MICAL2: variants seen among roughly 807,000 people sequenced by gnomAD.
The protein encoded by MICAL2 is [F-actin]-monooxygenase MICAL2.
A neutral mutation model predicts 127.3 loss-of-function variants in MICAL2; 77 were observed. That is an observed-to-expected ratio of 0.60 (90% CI 0.50 to 0.73). The LOEUF (loss-of-function observed/expected upper bound fraction) is 0.73. Ranked by LOEUF, MICAL2 falls within the 30% of genes least tolerant of loss-of-function variation. The pLI, the probability that MICAL2 is intolerant of heterozygous loss-of-function variation, is 0.00. For synonymous variants in MICAL2, 570 were observed against 551.1 expected (o/e 1.03, Z -0.48); for missense variants, 1,351 against 1,434.4 (o/e 0.94, Z 0.94).
chr11:12,152,986 T>C (rs1167275717), intron 2 of MICAL2, among the ~76,000 whole-genome samples: 2 of 152,082 alleles, frequency 1.3e-5, no homozygotes, highest in African/African-American at 4.8e-5. Context: ...TTATTGTTTT[T>C]GTGGTAAAAT....
At chr11:12,287,630 C>T (rs993972780), downstream of MICAL2, among the ~76,000 whole-genome samples, 2 of 152,124 alleles carry the variant, frequency 1.3e-5, no homozygotes, top group Non-Finnish European at 2.9e-5. Context: ...CACACACACT[C>T]ACACCCCTAC....
At chr11:12,181,582 A>G (rs1857487437) in intron 3 of MICAL2, among the ~76,000 whole-genome samples, 1 of 152,246 alleles carries the variant, frequency 6.6e-6, no homozygotes, top group Non-Finnish European at 1.5e-5. Context: ...TGTAAACTTG[A>G]ACATGAAGTA....
chr11:12,184,410 C>T (rs1459073633), intron 3 of MICAL2, among the ~76,000 whole-genome samples: 3 of 152,200 alleles, frequency 2.0e-5, no homozygotes, highest in African/African-American at 7.2e-5. Flanking sequence ...ACCCTGACCA[C>T]CAGCATACCT....
At chr11:12,356,107 C>A (rs931345760) in intron 34 of MICAL2, among the ~76,000 whole-genome samples, 2 of 151,992 alleles carry the variant, frequency 1.3e-5, no homozygotes, top group African/African-American at 4.8e-5. Flanking sequence ...AAATAAATAC[C>A]ACCAAAGACT....
intron 2 of MICAL2, among the ~76,000 whole-genome samples, chr11:12,156,949 C>T (rs959061087): frequency 1.3e-5 from 2 of 152,200 alleles, no homozygotes; most frequent in Non-Finnish European, 2.9e-5. Context: ...TCCTTAGTGA[C>T]GTAGAGCTGG....
intron 12 of MICAL2, among the ~76,000 whole-genome samples, chr11:12,223,882 G>A (rs1055587113): frequency 6.6e-6 from 1 of 152,152 alleles, no homozygotes; most frequent in Non-Finnish European, 1.5e-5. Context: ...CCTGAGCCTA[G>A]CAGTGCTCTG....
intron 5 of MICAL2, among the ~76,000 whole-genome samples, chr11:12,209,281 G>A (rs1438339465): frequency 6.6e-6 from 1 of 152,214 alleles, no homozygotes; most frequent in African/African-American, 2.4e-5. Flanking sequence ...AGTTGGTGTT[G>A]CTGGTTTACT....
At chr11:12,322,298 C>T (rs1256687693) in intron 30 of MICAL2, among the ~76,000 whole-genome samples, 1 of 152,138 alleles carries the variant, frequency 6.6e-6, no homozygotes, top group East Asian at 1.9e-4. Flanking sequence ...TTGATCCCCA[C>T]CACCTCTTCC....
intron 3 of MICAL2, 35 bp from the exon 4 acceptor site, chr11:12,204,215 T>C: frequency 6.3e-7 from 1 of 1,599,300 alleles, no homozygotes. Context: ...ATGCTAGAGG[T>C]TACCAAGAGT....
At chr11:12,156,727 C>T (rs1854226013) in intron 2 of MICAL2, among the ~76,000 whole-genome samples, 1 of 152,202 alleles carries the variant, frequency 6.6e-6, no homozygotes, top group East Asian at 1.9e-4. Context: ...ATGGTGGGCT[C>T]TGTGGGGATG....
intron 15 of MICAL2, among the ~76,000 whole-genome samples, chr11:12,230,541 C>T (rs2134369572): frequency 6.6e-6 from 1 of 152,272 alleles, no homozygotes; most frequent in East Asian, 1.9e-4. Context: ...CCCTGCCCCT[C>T]CCTAACTTCC....
At chr11:12,242,648 C>T in intron 19 of MICAL2, 23 bp from the exon 20 acceptor site, 1 of 1,595,768 alleles carries the variant, frequency 6.3e-7, no homozygotes, top group Non-Finnish European at 8.6e-7. Flanking sequence ...TCTTTTCTTT[C>T]TCCTTTCTCA....
At chr11:12,294,817 T>TCCTCCA, downstream of MICAL2, 1 of 1,507,542 alleles carries the variant, frequency 6.6e-7, no homozygotes. Flanking sequence ...CTCCTCCTCC[T>TCCTCCA]CCTCCTCCTC....
chr11:12,231,244 C>A (rs1264601834), intron 15 of MICAL2, among the ~76,000 whole-genome samples: 1 of 152,198 alleles, frequency 6.6e-6, no homozygotes, highest in African/African-American at 2.4e-5. Flanking sequence ...CCATTCTGAG[C>A]CCACTCCTTG....
At chr11:12,277,378 G>C (rs1351172690) in intron 1 of MICAL2, among the ~76,000 whole-genome samples, 2 of 152,156 alleles carry the variant, frequency 1.3e-5, no homozygotes, top group Non-Finnish European at 2.9e-5. Context: ...TGGGGAATAG[G>C]CTGCTCTCTT....
chr11:12,312,150 A>G (rs973997041), intron 29 of MICAL2, among the ~76,000 whole-genome samples: 1 of 151,672 alleles, frequency 6.6e-6, no homozygotes, highest in Non-Finnish European at 1.5e-5. Flanking sequence ...TTGCTTAATC[A>G]TTCTTAATTT....
At chr11:12,257,999 C>A (rs1862557114) in intron 24 of MICAL2, among the ~76,000 whole-genome samples, 1 of 152,198 alleles carries the variant, frequency 6.6e-6, no homozygotes, top group African/African-American at 2.4e-5. Flanking sequence ...TCGAAGCTGT[C>A]CATTTAGCTG....
At chr11:12,251,083 GAAACTTGTAGA>G (rs1565252697) in intron 22 of MICAL2, among the ~76,000 whole-genome samples, 11 of 149,292 alleles carry the variant, frequency 7.4e-5, no homozygotes, top group African/African-American at 2.8e-4. Flanking sequence ...GTAAGTGTTG[GAAACTTGTAGA>G]ACCATTTGAT....
intron 3 of MICAL2, among the ~76,000 whole-genome samples, chr11:12,193,057 C>T (rs1037391994): frequency 1.3e-5 from 2 of 152,214 alleles, no homozygotes; most frequent in South Asian, 2.1e-4. Context: ...TCCCTCACTA[C>T]ACCACCATAT....
Sources: allele counts gnomAD v4.1 joint callset (sites outside exome capture counted in the v4.1 genomes callset), GRCh38; gene constraint gnomAD v4.1.1; transcripts MANE v1.5; gene names NCBI Gene and HGNC (gene_info 2026-07-23, HGNC 2026-07-21).